The following CAST variants were observed in gnomAD, a reference collection of about 807,000 sequenced individuals.
CAST encodes calpastatin.
Under a neutral mutation model 119.6 loss-of-function variants are expected in CAST, and 76 were observed. That is an observed-to-expected ratio of 0.64 (90% CI 0.53 to 0.77). The LOEUF is 0.77. CAST is among the 30% of genes least tolerant of loss of function. The pLI is 0.00. For missense variants in CAST, 953 were observed against 946.5 expected (o/e 1.01, Z -0.09); for synonymous variants, 319 against 331.6 (o/e 0.96, Z 0.41).
At chr5:96,752,884 T>G (rs538350903) in intron 20 of CAST, among the ~76,000 whole-genome samples, 5 of 152,010 alleles carry the variant, frequency 3.3e-5, no homozygotes, top group Non-Finnish European at 5.9e-5. Context: ...TTCATTGATA[T>G]TGCAACCCCA....
At chr5:96,208,229 T>C in the CAST span, among the ~76,000 whole-genome samples, 1 of 151,796 alleles carries the variant, frequency 6.6e-6, no homozygotes, top group Admixed American at 6.6e-5. Flanking sequence ...CCTTTATTAG[T>C]CTAACTAGCA....
At chr5:96,272,815 A>C in the CAST span, among the ~76,000 whole-genome samples, 1 of 152,214 alleles carries the variant, frequency 6.6e-6, no homozygotes, top group Admixed American at 6.5e-5. Flanking sequence ...CACTGATTTG[A>C]TCATTACAAA....
chr5:96,759,985 C>T (rs1213284581), intron 24 of CAST, among the ~76,000 whole-genome samples: 2 of 151,840 alleles, frequency 1.3e-5, no homozygotes, highest in Admixed American at 1.3e-4. Flanking sequence ...ATTCACAAAA[C>T]CTAAAAAAAG....
At chr5:96,356,617 A>T in the CAST span, among the ~76,000 whole-genome samples, 1 of 152,122 alleles carries the variant, frequency 6.6e-6, no homozygotes, top group African/African-American at 2.4e-5. Context: ...TGTTTTTGTC[A>T]GGGTTGTCAA....
the CAST span, among the ~76,000 whole-genome samples, chr5:96,507,634 C>A: frequency 2.0e-5 from 3 of 152,154 alleles, no homozygotes; most frequent in Non-Finnish European, 4.4e-5. Context: ...AAGGATGAGT[C>A]TATGACTATT....
chr5:96,131,010 A>G, the CAST span, among the ~76,000 whole-genome samples: 2 of 152,138 alleles, frequency 1.3e-5, no homozygotes, highest in African/African-American at 4.8e-5. Context: ...TTATCTAGCA[A>G]TTGTAGTTTC....
At chr5:96,378,187 G>A in the CAST span, among the ~76,000 whole-genome samples, 2 of 152,084 alleles carry the variant, frequency 1.3e-5, no homozygotes, top group Non-Finnish European at 2.9e-5. Flanking sequence ...GAAATTGGGA[G>A]ATGTCAGTCA....
At chr5:96,627,582 A>T (rs1375624472) in intron 1 of CAST, among the ~76,000 whole-genome samples, 1 of 152,256 alleles carries the variant, frequency 6.6e-6, no homozygotes, top group East Asian at 1.9e-4. Flanking sequence ...TTAGAAAGCT[A>T]TAAAAATGTA....
intron 1 of CAST, among the ~76,000 whole-genome samples, chr5:96,558,900 AC>A (rs1225003163): frequency 1.3e-5 from 2 of 151,816 alleles, no homozygotes; most frequent in African/African-American, 4.8e-5. Flanking sequence ...CAGAGACACA[AC>A]AAAAAAAGAG....
At chr5:96,607,329 T>G (rs1489749103) in intron 1 of CAST, among the ~76,000 whole-genome samples, 2 of 152,132 alleles carry the variant, frequency 1.3e-5, no homozygotes, top group Non-Finnish European at 2.9e-5. Context: ...GGTATTATAG[T>G]AAGTTCTCTC....
the CAST span, chr5:96,412,447 G>A: frequency 1.2e-6 from 2 of 1,613,926 alleles, no homozygotes; most frequent in East Asian, 4.5e-5. Context: ...CAATTGAACT[G>A]GCCTCAATAG....
At chr5:96,218,370 T>C in the CAST span, among the ~76,000 whole-genome samples, 5 of 152,226 alleles carry the variant, frequency 3.3e-5, no homozygotes, top group African/African-American at 1.2e-4. Context: ...CTGGCTGACA[T>C]GGAAATAATG....
chr5:96,067,081 G>A, the CAST span, among the ~76,000 whole-genome samples: 24 of 152,094 alleles, frequency 1.6e-4, no homozygotes, highest in African/African-American at 5.8e-4. Context: ...TTTACATATA[G>A]TAAGCAATAA....
chr5:96,356,383 G>C, the CAST span, among the ~76,000 whole-genome samples: 1 of 152,118 alleles, frequency 6.6e-6, no homozygotes, highest in Non-Finnish European at 1.5e-5. Flanking sequence ...ATTGCTTTAG[G>C]TGTTTCAGTC....
chr5:96,143,514 T>C, the CAST span, among the ~76,000 whole-genome samples: 1 of 152,244 alleles, frequency 6.6e-6, no homozygotes, highest in Admixed American at 6.5e-5. Context: ...CATTTTCATG[T>C]GGGCCGATTC....
the CAST span, among the ~76,000 whole-genome samples, chr5:96,094,842 C>T: frequency 6.6e-6 from 1 of 152,158 alleles, no homozygotes; most frequent in Non-Finnish European, 1.5e-5. Context: ...TTACAACAAG[C>T]AATACAGAGG....
chr5:96,001,869 T>A, the CAST span, among the ~76,000 whole-genome samples: 1 of 152,172 alleles, frequency 6.6e-6, no homozygotes, highest in East Asian at 1.9e-4. Flanking sequence ...AACCTAATAG[T>A]CTTTTTGTGT....
At chr5:96,008,072 A>G in the CAST span, among the ~76,000 whole-genome samples, 6 of 152,296 alleles carry the variant, frequency 3.9e-5, no homozygotes, top group East Asian at 3.9e-4. Flanking sequence ...ATCAGCTGGC[A>G]TCTTGGTCTT....
chr5:96,668,737 C>T (rs1357036625), intron 1 of CAST, among the ~76,000 whole-genome samples: 2 of 151,334 alleles, frequency 1.3e-5, no homozygotes, highest in Non-Finnish European at 2.9e-5. Context: ...TTATTGCAGT[C>T]AACTAACAGA....
Sources: gnomAD v4.1 joint callset for allele counts (sites outside exome capture counted in the v4.1 genomes callset) on GRCh38, gnomAD v4.1.1 for gene constraint, MANE v1.5 for transcripts, NCBI Gene and HGNC (gene_info 2026-07-23, HGNC 2026-07-21) for gene names.